The following SRCAP variants were observed in gnomAD, a reference collection of about 807,000 sequenced individuals.
The protein encoded by SRCAP is chromatin remodeling protein SRCAP.
SRCAP carries 46 observed loss-of-function variants against 263.1 expected under a neutral mutation model. The observed-to-expected ratio is 0.17, with a 90% CI of 0.14 to 0.22. The LOEUF (loss-of-function observed/expected upper bound fraction) is 0.22, where lower values mean the gene tolerates loss of function less well. Among genes scored for constraint, SRCAP ranks in the 10% least tolerant of loss-of-function variants. The pLI, the probability that SRCAP is intolerant of heterozygous loss-of-function variation, is 1.00. For synonymous variants in SRCAP, 1,813 were observed against 1,662.1 expected, an observed-to-expected ratio of 1.09 and a Z score of -2.21; for missense variants, 3,695 against 4,181.9, an observed-to-expected ratio of 0.88 and a Z score of 3.21.
intron 16 of SRCAP, among the ~76,000 whole-genome samples, chr16:30,715,266 G>A (rs1263417641): frequency 6.6e-6 from 1 of 152,124 alleles, no homozygotes; most frequent in Non-Finnish European, 1.5e-5. Flanking sequence ...GGTAAACTAA[G>A]CTAGAAAACA....
chr16:30,700,537 T>C, intron 2 of SRCAP, 79 bp from the exon 3 acceptor site: 1 of 319,676 alleles, frequency 3.1e-6, no homozygotes, highest in Non-Finnish European at 5.8e-6. Flanking sequence ...TTCAGTGTTA[T>C]TTCTGGTTTT....
rs756373485 is a variant in SRCAP, at chr16:30,721,409, A to G, written c.3474A>G (p.Ala1158=). Residue 1158 remains alanine (A), a synonymous_variant, in exon 21 of 34, where the codon GCA becomes GCG. Coordinates refer to ENST00000262518, the MANE Select transcript of SRCAP (RefSeq NM_006662.3). ...CCACGGCAACTGCTACCACCACAGC[A>G]GTGCCAGCTCCGACTCCTGCACCAC... ...STTTATATTT[A]VPAPTPAPQR... is the part of the protein sequence containing the mutation. The G allele has an allele frequency of 6.2e-7, 1 of 1,613,746 alleles. No homozygotes were observed. Among genetic ancestry groups the G allele is most frequent in the Non-Finnish European group, 8.5e-7 (1 of 1,180,038 alleles).
chr16:30,711,688 C>T lies in SRCAP; in HGVS notation c.1436C>T (p.Pro479Leu), dbSNP rs997235195. ...EVDANSSDCEPEGPVEAEEPP... is the reference protein window; with the variant it reads ...EVDANSSDCELEGPVEAEEPP... ...GATGCTAATAGCTCTGACTGTGAAC[C>T]AGAGGGGCCCGTGGAAGCGGAAGAG... Residue 479 changes from proline to leucine, a missense_variant, in exon 11 of 34, where the codon CCA (proline) becomes CTA (leucine). This residue lies in a region of SRCAP where 288 missense variants were observed against 302.4 expected (regional missense o/e 0.95). Transcript: ENST00000262518. 1 of 1,613,976 alleles carries T rather than the reference C, an allele frequency of 6.2e-7. No homozygotes were observed. The highest frequency in any genetic ancestry group is 8.5e-7 in the Non-Finnish European group (1 of 1,179,992).
chr16:30,724,586 C>T lies in SRCAP; in HGVS notation c.5162C>T (p.Ala1721Val), dbSNP rs939408064. Residue 1721 changes from alanine to valine, a missense_variant, in exon 25 of 34, where the codon GCA becomes GTA. Around this residue, in one of 12 missense-constraint regions of SRCAP, gnomAD observed 1,347 missense variants for 1,304.4 expected, o/e 1.03. Transcript: ENST00000262518. ...FPTQTLSLTP[A>V]SSLVPTPAQT... is the part of the protein sequence containing the mutation. The stretch of plus-strand genomic sequence containing the variant: ...ACTCAGACATTGTCATTAACTCCAG[C>T]ATCATCCCTGGTACCAACTCCAGCC... 12 of 1,614,090 alleles carry T rather than the reference C, an allele frequency of 7.4e-6. No homozygotes were observed. The Admixed American group carries it at 1.8e-4, about 25-fold the overall frequency.
intron 9 of SRCAP, 42 bp from the exon 10 acceptor site, chr16:30,710,957 T>C (rs200607027): frequency 1.7e-5 from 28 of 1,600,452 alleles, no homozygotes; most frequent in Non-Finnish European, 2.3e-5. Flanking sequence ...CCTGTGCCTC[T>C]AGCCTCTATC....
In SRCAP at chr16:30,704,194, G is replaced by C. The variant is rs758841424; in HGVS notation, c.185G>C (p.Gly62Ala). The C allele has an allele frequency of 1.1e-5, 18 of 1,614,000 alleles. 1 individual carries two copies. In the South Asian group the frequency reaches 2.0e-4, roughly 18 times the overall value. The change falls in exon 4 of 34, where the codon GGC becomes GCC. Residue 62 changes from glycine (G) to alanine (A), a missense_variant. Physicochemically the swap from Gly to Ala is moderately conservative, Grantham distance 60 (BLOSUM62 0). Transcript: ENST00000262518. ...AQDSSLDGPP[G>A]PPDGATVPLE... ...GATTCCTCACTGGATGGACCTCCAG[G>C]CCCCCCAGATGGTGCCACAGTGCCC...
intron 25 of SRCAP, among the ~76,000 whole-genome samples, chr16:30,727,986 T>A (rs1218481745): frequency 6.6e-6 from 1 of 152,170 alleles, no homozygotes; most frequent in African/African-American, 2.4e-5. Context: ...CTGGCCAGAT[T>A]TTCTCTTTTT....
At chr16:30,712,516 C>T (rs537189549) in intron 13 of SRCAP, 77 bp downstream of exon 13, 1 of 1,523,536 alleles carries the variant, frequency 6.6e-7, no homozygotes, top group South Asian at 1.3e-5. Context: ...ACTCCAGCTT[C>T]ATTGACTTTT....
intron 21 of SRCAP, 147 bp from the exon 22 acceptor site, chr16:30,721,975 G>A: frequency 1.0e-6 from 1 of 994,892 alleles, no homozygotes; most frequent in Non-Finnish European, 1.5e-6. Flanking sequence ...TGTAGGTGGA[G>A]GCTGAGTTTA....
At chr16:30,734,947 C>T (rs1172898168) in intron 31 of SRCAP, among the ~76,000 whole-genome samples, 1 of 152,094 alleles carries the variant, frequency 6.6e-6, no homozygotes, top group Non-Finnish European at 1.5e-5. Context: ...TGCCTGTAAT[C>T]CCAGCACTTT....
Position 30,724,855 on chromosome 16 carries a change from G to A in SRCAP, c.5431G>A (p.Ala1811Thr), listed in dbSNP as rs778780855. Residue 1811 changes from alanine (A) to threonine (T), a missense_variant, in exon 25 of 34, where the codon GCC becomes ACC. Physicochemically the swap from Ala to Thr is moderately conservative, Grantham distance 58. Coordinates refer to ENST00000262518, the MANE Select transcript of SRCAP (RefSeq NM_006662.3). ...AAAQTLALAP[A>T]STQSPASQAS... ...AGCTCAGACCTTGGCGCTGGCCCCAGCCTCCACACAGTCCCCAGCTTCCCA... is the reference window on the plus strand; with the variant it reads ...AGCTCAGACCTTGGCGCTGGCCCCAACCTCCACACAGTCCCCAGCTTCCCA... 4.3e-6 allele frequency: 7 copies of A among 1,614,128 alleles called. No individual in the cohort carries two copies. Among genetic ancestry groups the A allele is most frequent in the African/African-American group, 1.3e-5 (1 of 75,042 alleles).
At chr16:30,735,706 G>A (rs1463004161) in intron 31 of SRCAP, among the ~76,000 whole-genome samples, 1 of 149,606 alleles carries the variant, frequency 6.7e-6, no homozygotes, top group Non-Finnish European at 1.5e-5. Context: ...TCAGCCTCCT[G>A]TGTAGCTGGG....
chr16:30,740,823 A>C lies in SRCAP; in HGVS notation c.*1090A>C, dbSNP rs1274564684. 1 of 152,162 alleles carries C rather than the reference A, an allele frequency of 6.6e-6. No homozygotes were observed. The highest frequency in any genetic ancestry group is 1.9e-4 in the East Asian group (1 of 5,198). The allele number at this position is 152,162 out of a possible 1,614,324, so 9.4% of individuals were successfully genotyped here. On this transcript the variant is annotated 3_prime_UTR_variant, in exon 34 of 34. Coordinates refer to ENST00000262518, the MANE Select transcript of SRCAP (RefSeq NM_006662.3). ...TATTTCTTTGTATCTACTTCCCTGCAGCTTCTTGGCACACATCATTCTTTG... is the reference window on the plus strand; with the variant it reads ...TATTTCTTTGTATCTACTTCCCTGCCGCTTCTTGGCACACATCATTCTTTG...
chr16:30,721,537 G>C, intron 21 of SRCAP, 61 bp downstream of exon 21: 1 of 1,559,458 alleles, frequency 6.4e-7, no homozygotes, highest in Non-Finnish European at 8.6e-7. Context: ...AGGACCATGA[G>C]AGCATCAAAT....
At chr16:30,702,084 G>C (rs1222124759) in intron 3 of SRCAP, among the ~76,000 whole-genome samples, 1 of 151,772 alleles carries the variant, frequency 6.6e-6, no homozygotes, top group Non-Finnish European at 1.5e-5. Flanking sequence ...CTCCTGAGTA[G>C]CTGGGACTAC....
rs369481213 is a variant in SRCAP, at chr16:30,729,494, C to A, written c.6049C>A (p.Arg2017=). 5 of 1,614,086 alleles carry A rather than the reference C, an allele frequency of 3.1e-6. No individual in the cohort carries two copies. In the African/African-American group the frequency reaches 6.7e-5, roughly 22 times the overall value. ...QEQLASELWP[R]ARPLHRIVCN... ...GCAATTGGCCTCTGAGCTCTGGCCC[C>A]GGGCTCGTCCTTTGCACCGTATTGT... Residue 2017 remains arginine, a synonymous_variant, in exon 27 of 34, where the codon CGG becomes AGG. Transcript: ENST00000262518.
At chr16:30,727,708 C>A (rs146692631) in intron 25 of SRCAP, among the ~76,000 whole-genome samples, 1 of 152,160 alleles carries the variant, frequency 6.6e-6, no homozygotes, top group African/African-American at 2.4e-5. Flanking sequence ...TGCACCACCA[C>A]GCCCAGCTAA....
chr16:30,700,779 C>T lies in SRCAP; in HGVS notation c.-46C>T, dbSNP rs1348331086. 1 of 1,580,550 alleles carries T rather than the reference C, an allele frequency of 6.3e-7. No individual in the cohort carries two copies. Among genetic ancestry groups the T allele is most frequent in the South Asian group, 1.1e-5 (1 of 90,226 alleles). ...CGGCCAGCAGTACTGGTGATAACAA[C>T]CCAGTCATTCTTCAGGCATCCAAGG... is the stretch of plus-strand genomic sequence containing the variant. On this transcript the variant is annotated 5_prime_UTR_variant, in exon 3 of 34. Coordinates refer to ENST00000262518, the MANE Select transcript of SRCAP (RefSeq NM_006662.3).
chr16:30,717,282 G>C (rs2151290937), intron 18 of SRCAP, among the ~76,000 whole-genome samples: 1 of 152,174 alleles, frequency 6.6e-6, no homozygotes, highest in South Asian at 2.1e-4. Flanking sequence ...TTGAAGATTT[G>C]TTAATTTTGG....
Sources: gnomAD v4.1 joint callset for allele counts (sites outside exome capture counted in the v4.1 genomes callset) on GRCh38, gnomAD v4.1.1 for gene constraint, gnomAD v4.1.1 regional missense constraint, MANE v1.5 for transcripts, NCBI Gene and HGNC (gene_info 2026-07-23, HGNC 2026-07-21) for gene names.